The following GRIK2 variants were observed in gnomAD, a reference collection of about 807,000 sequenced individuals.
GRIK2 encodes the protein glutamate ionotropic receptor kainate type subunit 2.
GRIK2 carries 32 observed loss-of-function variants against 100.3 expected under a neutral mutation model. The ratio of observed to expected loss-of-function variants is 0.32; its 90% CI spans 0.24 to 0.43. GRIK2 has a LOEUF of 0.43. Among genes scored for constraint, GRIK2 ranks in the 20% least tolerant of loss-of-function variants. GRIK2 has a pLI of 1.00. For missense variants in GRIK2, 843 were observed against 1,114.9 expected, an observed-to-expected ratio of 0.76 and a Z score of 3.47; for synonymous variants, 417 against 389.4, an observed-to-expected ratio of 1.07 and a Z score of -0.83.
chr6:101,686,159 A>G, intron 6 of GRIK2, 21 bp from the exon 7 acceptor site: 1 of 1,598,496 alleles, frequency 6.3e-7, no homozygotes, highest in Non-Finnish European at 8.6e-7. Context: ...TAATAACAAC[A>G]CAATAACATT....
At chr6:101,746,187 T>C (rs1776409459) in intron 7 of GRIK2, among the ~76,000 whole-genome samples, 1 of 152,216 alleles carries the variant, frequency 6.6e-6, no homozygotes, top group Non-Finnish European at 1.5e-5. Flanking sequence ...CTATCATTTG[T>C]CTAACTAATC....
chr6:101,955,576 TTCTCTCTCTCTCTC>T lies in GRIK2; in HGVS notation c.2085+26971_2085+26984del, dbSNP rs60603807. 4.3e-5 allele frequency among the ~76,000 whole-genome samples: 5 copies of T among 116,284 alleles called. No homozygotes were observed. In the East Asian group the frequency reaches 7.4e-4, roughly 17 times the overall value. 76.3% of individuals were successfully genotyped at this position (116,284 alleles called of 152,430 possible). ...CCAGCCTGAGCAACAGAGCAAGGCC[TTCTCTCTCTCTCTC>T]TCTCTCTCTCTCTCTCTCTCTCTCT... On this transcript the variant is annotated intron_variant, in intron 14 of 16. Transcript: ENST00000369134.
chr6:101,466,446 G>A (rs750065520), intron 2 of GRIK2, among the ~76,000 whole-genome samples: 8 of 151,894 alleles, frequency 5.3e-5, no homozygotes, highest in Non-Finnish European at 8.8e-5. Context: ...ACACTCAATA[G>A]GAGATTCCTT....
chr6:101,493,933 T>C (rs1487147470), intron 2 of GRIK2, among the ~76,000 whole-genome samples: 2 of 142,734 alleles, frequency 1.4e-5, no homozygotes, highest in Middle Eastern at 3.7e-3. Context: ...ATTTTATATA[T>C]AATATGTATT....
At chr6:101,760,682 A>AT (rs1777566684) in intron 7 of GRIK2, among the ~76,000 whole-genome samples, 1 of 90,368 alleles carries the variant, frequency 1.1e-5, no homozygotes, top group African/African-American at 4.6e-5. Flanking sequence ...TTATATATTT[A>AT]ATTATATATA....
chr6:102,043,360 A>ATAGAT (rs1770700776), intron 15 of GRIK2, among the ~76,000 whole-genome samples: 1 of 151,746 alleles, frequency 6.6e-6, no homozygotes, highest in African/African-American at 2.4e-5. Context: ...ATGTTGTGCA[A>ATAGAT]TAGATTTAAA....
At chr6:101,435,386 ATT>A (rs367634710) in intron 2 of GRIK2, among the ~76,000 whole-genome samples, 9,446 of 140,856 alleles carry the variant, frequency 0.067, 534 homozygotes, top group East Asian at 0.32. Flanking sequence ...GCACACGGTG[ATT>A]TTTTTTTTTT....
At position 101,987,728 on chromosome 6, in the gene GRIK2, AT is replaced by A. The variant is rs1298525304; in HGVS notation, c.2086-47607del. 2.6e-5 allele frequency among the ~76,000 whole-genome samples: 4 copies of A among 151,210 alleles called. No individual in the cohort carries two copies. The East Asian group carries it at 5.9e-4, about 22-fold the overall frequency. Reference sequence around the variant, plus strand: ...TATGAATTTATATTTTAATATCTTCATTTTTTAAACTAGTAATTATAGATTT... The same window carrying A: ...TATGAATTTATATTTTAATATCTTCATTTTTAAACTAGTAATTATAGATTT... On this transcript the variant is annotated intron_variant, in intron 14 of 16. Transcript: ENST00000369134.
chr6:101,661,924 G>A (rs1277845066), intron 4 of GRIK2, among the ~76,000 whole-genome samples: 1 of 152,136 alleles, frequency 6.6e-6, no homozygotes, highest in South Asian at 2.1e-4. Flanking sequence ...CATCTTCCCA[G>A]TTACCAAAGT....
intron 2 of GRIK2, among the ~76,000 whole-genome samples, chr6:101,615,010 A>AGATGT (rs1377802933): frequency 1.3e-5 from 2 of 151,730 alleles, no homozygotes; most frequent in Non-Finnish European, 3.0e-5. Flanking sequence ...TGTGAGTCAG[A>AGATGT]GACTGTGATG....
intron 7 of GRIK2, among the ~76,000 whole-genome samples, chr6:101,774,094 T>A (rs1390069378): frequency 6.6e-6 from 1 of 152,160 alleles, no homozygotes; most frequent in Non-Finnish European, 1.5e-5. Flanking sequence ...ATAATTTAAT[T>A]TTTAGGTTAT....
intron 7 of GRIK2, among the ~76,000 whole-genome samples, chr6:101,711,353 T>G (rs918753681): frequency 1.3e-5 from 2 of 151,790 alleles, no homozygotes; most frequent in African/African-American, 4.8e-5. Context: ...CTAAGTTTAC[T>G]CTTCATCTGT....
chr6:101,911,401 T>A (rs1788680761), intron 12 of GRIK2, among the ~76,000 whole-genome samples: 1 of 151,530 alleles, frequency 6.6e-6, no homozygotes, highest in African/African-American at 2.4e-5. Context: ...TTATTTATAG[T>A]TTTATAAAAT....
At chr6:101,416,666 A>T (rs1582400709) in intron 2 of GRIK2, among the ~76,000 whole-genome samples, 1 of 152,196 alleles carries the variant, frequency 6.6e-6, no homozygotes, top group African/African-American at 2.4e-5. Flanking sequence ...GAGTTTACCC[A>T]GTTTTTCCTT....
intron 12 of GRIK2, among the ~76,000 whole-genome samples, chr6:101,897,553 T>A (rs1190984529): frequency 6.6e-6 from 1 of 151,864 alleles, no homozygotes; most frequent in East Asian, 1.9e-4. Flanking sequence ...GTCTTCTCAA[T>A]CTGAAACAAC....
intron 7 of GRIK2, among the ~76,000 whole-genome samples, chr6:101,763,965 G>A (rs2128393579): frequency 6.6e-6 from 1 of 152,002 alleles, no homozygotes; most frequent in Non-Finnish European, 1.5e-5. Flanking sequence ...TATCTGATTT[G>A]ACAAGAAAAG....
At chr6:101,666,596 C>T (rs533100076) in intron 4 of GRIK2, among the ~76,000 whole-genome samples, 5 of 152,292 alleles carry the variant, frequency 3.3e-5, no homozygotes, top group African/African-American at 9.6e-5. Flanking sequence ...AGAGTGTCTC[C>T]CAGGAGCTAA....
intron 2 of GRIK2, among the ~76,000 whole-genome samples, chr6:101,404,704 T>A (rs2128236517): frequency 6.6e-6 from 1 of 152,322 alleles, no homozygotes; most frequent in Non-Finnish European, 1.5e-5. Context: ...AATTTAAGTG[T>A]TGATTGTTTT....
At chr6:101,799,916 C>T (rs570184323) in intron 8 of GRIK2, 125 bp downstream of exon 8, 7 of 711,354 alleles carry the variant, frequency 9.8e-6, no homozygotes, top group African/African-American at 1.8e-5. Context: ...CTCTCTTACT[C>T]CAAATAAGCA....
Sources: gnomAD v4.1 joint callset for allele counts (sites outside exome capture counted in the v4.1 genomes callset) on GRCh38, gnomAD v4.1.1 for gene constraint, MANE v1.5 for transcripts, NCBI Gene and HGNC (gene_info 2026-07-23, HGNC 2026-07-21) for gene names.